The following TMEM132B variants were observed in gnomAD, a reference collection of about 807,000 sequenced individuals.
TMEM132B encodes transmembrane protein 132B.
Under a neutral mutation model 90.8 loss-of-function variants are expected in TMEM132B, and 18 were observed. The ratio of observed to expected loss-of-function variants is 0.20; its 90% CI spans 0.14 to 0.29. The LOEUF is 0.29. Ranked by LOEUF, TMEM132B falls within the 10% of genes least tolerant of loss-of-function variation. The pLI is 1.00. For missense variants in TMEM132B, 1,096 were observed against 1,326.8 expected (o/e 0.83, Z 2.70); for synonymous variants, 504 against 523.3 (o/e 0.96, Z 0.50).
intron 2 of TMEM132B, among the ~76,000 whole-genome samples, chr12:125,384,077 G>A (rs1171055193): frequency 6.5e-4 from 99 of 152,194 alleles, no homozygotes; most frequent in Non-Finnish European, 1.3e-4. Flanking sequence ...TTCCCAAGTA[G>A]CTGGGATTAC....
chr12:125,319,288 T>C (rs1876365669), intron 1 of TMEM132B, among the ~76,000 whole-genome samples: 2 of 152,190 alleles, frequency 1.3e-5, no homozygotes, highest in Non-Finnish European at 2.9e-5. Flanking sequence ...ATGCTGTTGA[T>C]GATGATAGTG....
chr12:125,617,243 C>G (rs1886009110), intron 5 of TMEM132B, among the ~76,000 whole-genome samples: 1 of 152,080 alleles, frequency 6.6e-6, no homozygotes, highest in Non-Finnish European at 1.5e-5. Context: ...TATTTCCCTT[C>G]CAATGTGAGC....
intron 8 of TMEM132B, among the ~76,000 whole-genome samples, chr12:125,652,834 G>A (rs981010391): frequency 6.6e-6 from 1 of 152,298 alleles, no homozygotes; most frequent in Middle Eastern, 3.4e-3. Context: ...GCTTTTCCAC[G>A]CTGACCACAT....
intron 1 of TMEM132B, among the ~76,000 whole-genome samples, chr12:125,229,748 TTGGCTG>T (rs1873773154): frequency 1.3e-5 from 2 of 152,342 alleles, no homozygotes; most frequent in African/African-American, 4.8e-5. Context: ...CTGGCTTCTG[TTGGCTG>T]TGTTTCTGCA....
intron 3 of TMEM132B, among the ~76,000 whole-genome samples, chr12:125,476,142 G>T (rs1393200746): frequency 6.6e-6 from 1 of 152,164 alleles, no homozygotes; most frequent in African/African-American, 2.4e-5. Context: ...GGCCATTTTG[G>T]TAAGGAAAAT....
At chr12:125,488,730 C>T (rs1417693910) in intron 3 of TMEM132B, among the ~76,000 whole-genome samples, 3 of 152,310 alleles carry the variant, frequency 2.0e-5, no homozygotes, top group East Asian at 3.9e-4. Context: ...ACTAATACAG[C>T]ATCTAATTAT....
rs537397428 is a variant in TMEM132B, at chr12:125,251,693, A to C, written c.67+64827A>C. 6.6e-6 allele frequency among the ~76,000 whole-genome samples: 1 copy of C among 152,328 alleles called. No homozygotes were observed. The highest frequency in any genetic ancestry group is 1.9e-4 in the East Asian group (1 of 5,186). ...GCAAACTGGAGACCATGTTCCCCAGATGAAGGGGACAGTGGTAACTCAGTT... is the reference window on the plus strand; with the variant it reads ...GCAAACTGGAGACCATGTTCCCCAGCTGAAGGGGACAGTGGTAACTCAGTT... On this transcript the variant is annotated intron_variant, in intron 1 of 8. Coordinates refer to ENST00000682704, the MANE Select transcript of TMEM132B (RefSeq NM_001366854.1). The surrounding 1 kb of genome is among the most constrained non-coding windows in gnomAD (Gnocchi z 4.4).
rs762303241 is a variant in TMEM132B, at chr12:125,654,319, G to C, written c.2861G>C (p.Gly954Ala). Residue 954 changes from glycine to alanine, a missense_variant, in exon 9 of 9, where the codon GGG becomes GCG. Physicochemically the swap from Gly to Ala is moderately conservative, Grantham distance 60. Transcript: ENST00000682704. The surrounding 1 kb of genome is among the most constrained non-coding windows in gnomAD (Gnocchi z 5.8). ...CATTCCCACGACTGGGTCTGGCTTG[G>C]GAATGAAGTGGAACTTTTGGAGAAC... ...IPHSHDWVWLGNEVELLENPV... is the reference protein window; with the variant it reads ...IPHSHDWVWLANEVELLENPV... 8 of 1,612,898 alleles carry C rather than the reference G, an allele frequency of 5.0e-6. No homozygotes were observed. Among genetic ancestry groups the C allele is most frequent in the Non-Finnish European group, 5.9e-6 (7 of 1,180,038 alleles).
chr12:125,255,521 T>G (rs983498132), intron 1 of TMEM132B, among the ~76,000 whole-genome samples: 1 of 152,168 alleles, frequency 6.6e-6, no homozygotes, highest in Non-Finnish European at 1.5e-5. Flanking sequence ...TACAGATGCC[T>G]TTTCGTCTCC....
At chr12:125,556,206 A>G (rs965664979) in intron 4 of TMEM132B, among the ~76,000 whole-genome samples, 6 of 152,076 alleles carry the variant, frequency 3.9e-5, no homozygotes, top group African/African-American at 1.4e-4. Context: ...CATGTTCTTT[A>G]TCTTTTGTTG....
At chr12:125,235,872 C>T (rs894110734) in intron 1 of TMEM132B, among the ~76,000 whole-genome samples, 26 of 134,376 alleles carry the variant, frequency 1.9e-4, no homozygotes, top group African/African-American at 6.3e-4. Flanking sequence ...GGCACAATCT[C>T]GGCTCACTGC....
At chr12:125,516,339 A>T (rs1214845854) in intron 3 of TMEM132B, among the ~76,000 whole-genome samples, 1 of 152,244 alleles carries the variant, frequency 6.6e-6, no homozygotes, top group East Asian at 1.9e-4. Context: ...GCTTATCAAG[A>T]CTAGATCAGG....
chr12:125,387,155 G>A (rs1428112009), intron 2 of TMEM132B, among the ~76,000 whole-genome samples: 1 of 151,704 alleles, frequency 6.6e-6, no homozygotes, highest in Non-Finnish European at 1.5e-5. Context: ...CTGGGGGTGG[G>A]GCGGGGAGAT....
intron 3 of TMEM132B, among the ~76,000 whole-genome samples, chr12:125,435,724 G>A (rs145479746): frequency 7.7e-4 from 117 of 152,276 alleles, no homozygotes; most frequent in East Asian, 6.8e-3. Flanking sequence ...GGAGAATGCC[G>A]GTGTAGGGAA....
At chr12:125,231,685 T>C (rs2136083229) in intron 1 of TMEM132B, among the ~76,000 whole-genome samples, 1 of 152,216 alleles carries the variant, frequency 6.6e-6, no homozygotes, top group East Asian at 1.9e-4. Flanking sequence ...AGAAGCTTGC[T>C]AAGGCATATT....
intron 1 of TMEM132B, among the ~76,000 whole-genome samples, chr12:125,224,019 C>T (rs753929679): frequency 8.5e-5 from 13 of 152,176 alleles, no homozygotes; most frequent in East Asian, 1.9e-4. Context: ...TCAGTTGATC[C>T]GCCTGCCTCA....
chr12:125,588,151 T>C (rs1885225053), intron 5 of TMEM132B: 1 of 152,186 alleles, frequency 6.6e-6, no homozygotes, highest in African/African-American at 2.4e-5. Flanking sequence ...AGACATGTGA[T>C]GTTGCTAAAG....
At chr12:125,603,708 A>G (rs1030794643) in intron 5 of TMEM132B, among the ~76,000 whole-genome samples, 7 of 152,240 alleles carry the variant, frequency 4.6e-5, no homozygotes, top group Non-Finnish European at 5.9e-5. Context: ...CCCATCTGAC[A>G]AAGATCTAAT....
At chr12:125,437,061 A>T (rs902367774) in intron 3 of TMEM132B, among the ~76,000 whole-genome samples, 6 of 152,142 alleles carry the variant, frequency 3.9e-5, no homozygotes, top group Admixed American at 3.3e-4. Flanking sequence ...AGCTGATAGG[A>T]TTTGGCTATG....
Sources: allele counts gnomAD v4.1 joint callset (sites outside exome capture counted in the v4.1 genomes callset), GRCh38; gene constraint gnomAD v4.1.1; non-coding constraint Gnocchi (gnomAD v3.1); transcripts MANE v1.5; gene names NCBI Gene and HGNC (gene_info 2026-07-23, HGNC 2026-07-21).